MPP7: variants seen among roughly 807,000 people sequenced by gnomAD.
The protein encoded by MPP7 is MAGUK p55 scaffold protein 7, also known as MAGUK p55 subfamily member 7.
A neutral mutation model predicts 76.5 loss-of-function variants in MPP7; 60 were observed. That is an observed-to-expected ratio of 0.78 (90% CI 0.64 to 0.97). MPP7 has a LOEUF of 0.97. Among genes scored for constraint, MPP7 ranks in the 50% least tolerant of loss-of-function variants. The probability of loss-of-function intolerance (pLI) is 0.00; values close to 1 mark genes in which losing one functional copy is unlikely to be tolerated. For synonymous variants in MPP7, 237 were observed against 244.5 expected, an observed-to-expected ratio of 0.97 and a Z score of 0.29; for missense variants, 641 against 694.0, an observed-to-expected ratio of 0.92 and a Z score of 0.86.
At chr10:28,222,392 G>C (rs1348328018) in intron 2 of MPP7, among the ~76,000 whole-genome samples, 2 of 152,058 alleles carry the variant, frequency 1.3e-5, no homozygotes, top group Non-Finnish European at 2.9e-5. Context: ...AGCTGAGGCA[G>C]GAGGATCACC....
intron 1 of MPP7, among the ~76,000 whole-genome samples, chr10:28,277,856 G>GT (rs1414660202): frequency 6.6e-6 from 1 of 151,974 alleles, no homozygotes; most frequent in African/African-American, 2.4e-5. Context: ...GGATTCGAAG[G>GT]TAAGTCCACG....
chr10:28,118,811 C>T, intron 11 of MPP7: 1 of 985,340 alleles, frequency 1.0e-6, no homozygotes, highest in Non-Finnish European at 1.2e-6. Context: ...TGCAAACTGA[C>T]AGAAATCACA....
At chr10:28,060,374 C>T (rs1047632239) in intron 13 of MPP7, among the ~76,000 whole-genome samples, 3 of 152,244 alleles carry the variant, frequency 2.0e-5, no homozygotes, top group South Asian at 2.1e-4. Flanking sequence ...TTCATTAAAA[C>T]GACAACATGA....
At chr10:28,203,686 T>C (rs1837856947) in intron 2 of MPP7, among the ~76,000 whole-genome samples, 1 of 152,152 alleles carries the variant, frequency 6.6e-6, no homozygotes, top group South Asian at 2.1e-4. Flanking sequence ...TATATGAAAG[T>C]AATCAACAAT....
At chr10:28,304,351 C>A (rs901992348), upstream of MPP7, among the ~76,000 whole-genome samples, 5 of 152,166 alleles carry the variant, frequency 3.3e-5, no homozygotes, top group Admixed American at 1.3e-4. Flanking sequence ...CACTTCCCCC[C>A]AGCAACTCCG....
chr10:28,218,709 T>A (rs1564710290), intron 2 of MPP7, among the ~76,000 whole-genome samples: 1 of 152,152 alleles, frequency 6.6e-6, no homozygotes, highest in African/African-American at 2.4e-5. Flanking sequence ...GAAAGCCTAA[T>A]TCAAAGTAAA....
At chr10:28,198,481 A>C (rs1021333432) in intron 3 of MPP7, among the ~76,000 whole-genome samples, 1 of 152,040 alleles carries the variant, frequency 6.6e-6, no homozygotes, top group Non-Finnish European at 1.5e-5. Flanking sequence ...AGGCTGAGGC[A>C]TGAGAATCAC....
chr10:28,279,645 C>T lies in MPP7; in HGVS notation c.-132+23216G>A, dbSNP rs140897985. Among the ~76,000 whole-genome samples the T allele has an allele frequency of 9.5e-3, 1,431 of 150,940 alleles. 35 individuals carry two copies. The highest frequency in any genetic ancestry group is 0.033 in the African/African-American group (1,346 of 40,878). ...ACTTGAACCCAGGATGTGGAGGTTG[C>T]AGTGAGCTGAGATTGCGTCACTGCA... On this transcript the variant is annotated intron_variant, in intron 1 of 16. Coordinates refer to ENST00000683449, the MANE Select transcript of MPP7 (RefSeq NM_001318170.2).
At chr10:28,325,930 C>T (rs944495623) in intron 2 of MPP7, among the ~76,000 whole-genome samples, 5 of 146,518 alleles carry the variant, frequency 3.4e-5, no homozygotes, top group Non-Finnish European at 7.4e-5. Flanking sequence ...GAGCTATGAT[C>T]GTACCACTTC....
At position 28,069,864 on chromosome 10, in the gene MPP7, G is replaced by T; in HGVS notation, c.1124-12C>A. ...TACTCCCACGGGACCTGAAAAACAG[G>T]GTAACAGAAATTCATTATTGGACAA... On this transcript the variant is annotated splice_polypyrimidine_tract_variant and intron_variant, in intron 12 of 16. Coordinates refer to ENST00000683449, the MANE Select transcript of MPP7 (RefSeq NM_001318170.2). The T allele has an allele frequency of 6.2e-7, 1 of 1,609,570 alleles. No homozygotes were observed. Among genetic ancestry groups the T allele is most frequent in the Non-Finnish European group, 8.5e-7 (1 of 1,176,666 alleles).
rs190458760 is a variant in MPP7, at chr10:28,188,141, G to A, written c.156+14012C>T. ...TTCATGAGCATTAATTTCACTTTAC[G>A]AATTCATATTAATATGGAGATTCAA... On this transcript the variant is annotated intron_variant, in intron 3 of 16. Coordinates refer to ENST00000683449, the MANE Select transcript of MPP7 (RefSeq NM_001318170.2). 6.6e-3 allele frequency among the ~76,000 whole-genome samples: 998 copies of A among 152,084 alleles called. 2 individuals carry two copies. The highest frequency in any genetic ancestry group is 0.02 in the Middle Eastern group (6 of 294).
At chr10:28,247,315 A>G (rs1164817680) in intron 1 of MPP7, among the ~76,000 whole-genome samples, 1 of 152,180 alleles carries the variant, frequency 6.6e-6, no homozygotes, top group Non-Finnish European at 1.5e-5. Context: ...ATCAAAAAAT[A>G]CACTTTCTAA....
chr10:28,059,709 A>G lies in MPP7; in HGVS notation c.1239T>C (p.Asp413=), dbSNP rs147108810. 2.1e-5 allele frequency: 34 copies of G among 1,613,442 alleles called. No individual in the cohort carries two copies. Among genetic ancestry groups the G allele is most frequent in the East Asian group, 1.1e-4 (5 of 44,800 alleles). Residue 413 remains aspartate (D), a synonymous_variant, in exon 14 of 17, where the codon GAT becomes GAC. Transcript: ENST00000683449. ...TTRARRSQES[D]GVEYIFISKH... is the part of the protein sequence containing the mutation. Reference sequence around the variant, plus strand: ...TGGAAATGAAAATGTATTCAACACCATCACTCTCCTGGCTTCTTCTTGCTC... The same window carrying G: ...TGGAAATGAAAATGTATTCAACACCGTCACTCTCCTGGCTTCTTCTTGCTC...
At chr10:28,330,916 C>T (rs192391791) in intron 1 of MPP7, among the ~76,000 whole-genome samples, 66 of 152,274 alleles carry the variant, frequency 4.3e-4, no homozygotes, top group African/African-American at 1.5e-3. Context: ...CTGCCTCAGC[C>T]TCCCAAAATG....
At chr10:28,268,426 A>T (rs56682885) in intron 1 of MPP7, among the ~76,000 whole-genome samples, 18 of 152,156 alleles carry the variant, frequency 1.2e-4, no homozygotes, top group Admixed American at 1.3e-4. Flanking sequence ...TTTAAAAACC[A>T]TTTTTATTAT....
rs184410665 is a variant in MPP7, at chr10:28,233,757, C to A, written c.37+4811G>T. Among the ~76,000 whole-genome samples the A allele has an allele frequency of 2.3e-3, 339 of 150,536 alleles. 3 individuals carry two copies. The highest frequency in any genetic ancestry group is 2.3e-3 in the Non-Finnish European group (153 of 67,688). Reference sequence around the variant, plus strand: ...AAAAGAGAGAAACAACACTCCAAGGCTGAGTGCGGTGCCTCATGCCTATAA... The same window carrying A: ...AAAAGAGAGAAACAACACTCCAAGGATGAGTGCGGTGCCTCATGCCTATAA... On this transcript the variant is annotated intron_variant, in intron 2 of 16. Transcript: ENST00000683449.
chr10:28,306,386 C>T (rs1170933861), upstream of MPP7, among the ~76,000 whole-genome samples: 6 of 152,200 alleles, frequency 3.9e-5, no homozygotes, highest in East Asian at 1.2e-3. Flanking sequence ...TACAGTAGCC[C>T]ATGCCCATAA....
intron 8 of MPP7, among the ~76,000 whole-genome samples, chr10:28,123,625 C>T (rs867560647): frequency 5.3e-5 from 8 of 151,974 alleles, no homozygotes; most frequent in South Asian, 4.2e-4. Flanking sequence ...ACTGCCACCA[C>T]GTGCAGCTAA....
At chr10:28,282,599 G>C (rs922982926) in intron 1 of MPP7, among the ~76,000 whole-genome samples, 1 of 151,962 alleles carries the variant, frequency 6.6e-6, no homozygotes, top group African/African-American at 2.4e-5. Flanking sequence ...GGGGCGGTGG[G>C]GGTGAGTAAG....
Sources: gnomAD v4.1 joint callset for allele counts (sites outside exome capture counted in the v4.1 genomes callset) on GRCh38, gnomAD v4.1.1 for gene constraint, MANE v1.5 for transcripts, NCBI Gene and HGNC (gene_info 2026-07-23, HGNC 2026-07-21) for gene names.